The following CCDC186 variants were observed in gnomAD, a reference collection of about 807,000 sequenced individuals.
The protein encoded by CCDC186 is coiled-coil domain-containing protein 186.
A neutral mutation model predicts 113.7 loss-of-function variants in CCDC186; 49 were observed. The observed-to-expected ratio is 0.43, with a 90% CI of 0.34 to 0.55. The LOEUF (loss-of-function observed/expected upper bound fraction) is 0.55. CCDC186 is among the 20% of genes least tolerant of loss of function. The probability of loss-of-function intolerance (pLI) is 0.02; values close to 1 mark genes in which losing one functional copy is unlikely to be tolerated. For missense variants in CCDC186, 890 were observed against 1,011.1 expected, an observed-to-expected ratio of 0.88 and a Z score of 1.62; for synonymous variants, 355 against 345.8, an observed-to-expected ratio of 1.03 and a Z score of -0.30.
At position 114,131,922 on chromosome 10, in the gene CCDC186, T is replaced by G. The variant is rs1266596664; in HGVS notation, c.1911+7A>C. 7 of 1,595,010 alleles carry G rather than the reference T, an allele frequency of 4.4e-6. No individual in the cohort carries two copies. Among genetic ancestry groups the G allele is most frequent in the Non-Finnish European group, 6.0e-6 (7 of 1,169,694 alleles). ...TTGTTTTAAAAAAAATGTAAATTTA[T>G]ACTTACCAAATTAATATTTGTCTGT... On this transcript the variant is annotated splice_region_variant and intron_variant, in intron 11 of 15. Transcript: ENST00000369287.
intron 3 of CCDC186, among the ~76,000 whole-genome samples, chr10:114,154,636 G>A (rs193051663): frequency 3.0e-4 from 45 of 152,168 alleles, no homozygotes; most frequent in Admixed American, 8.5e-4. Context: ...AACAATTAAA[G>A]AAGAATACCA....
At chr10:114,152,519 T>C (rs748417449) in intron 3 of CCDC186, among the ~76,000 whole-genome samples, 5 of 152,004 alleles carry the variant, frequency 3.3e-5, no homozygotes, top group Non-Finnish European at 7.4e-5. Context: ...GAAAATATCA[T>C]GAAAGAAATT....
In CCDC186 at chr10:114,122,482, T is replaced by C. The variant is rs1226125200; in HGVS notation, c.*2661A>G. 1 of 152,090 alleles carries C rather than the reference T, an allele frequency of 6.6e-6. No homozygotes were observed. Among genetic ancestry groups the C allele is most frequent in the African/African-American group, 2.4e-5 (1 of 41,422 alleles). The allele number at this position is 152,090 out of a possible 1,614,324, so 9.4% of individuals were successfully genotyped here. A position where few individuals can be genotyped will look rare whatever the true frequency, so the allele number is the denominator to read the frequency against. On this transcript the variant is annotated 3_prime_UTR_variant, in exon 16 of 16. Transcript: ENST00000369287. Reference sequence around the variant, plus strand: ...TAAAACCTATTGAAGTGTATACATATACATACACAGAAAAAATCACTTCCA... The same window carrying C: ...TAAAACCTATTGAAGTGTATACATACACATACACAGAAAAAATCACTTCCA...
chr10:114,134,530 G>A (rs2031194069), intron 10 of CCDC186, among the ~76,000 whole-genome samples: 1 of 152,148 alleles, frequency 6.6e-6, no homozygotes, highest in African/African-American at 2.4e-5. Flanking sequence ...GGTTTTATAA[G>A]GAGCCAAGGA....
At chr10:114,168,404 T>C (rs2032395293) in intron 1 of CCDC186, 1 of 152,216 alleles carries the variant, frequency 6.6e-6, no homozygotes, top group African/African-American at 2.4e-5. Context: ...CTGGTTCCAT[T>C]TCCTGTTTTT....
intron 4 of CCDC186, among the ~76,000 whole-genome samples, chr10:114,148,670 C>T (rs1307834079): frequency 6.6e-6 from 1 of 152,150 alleles, no homozygotes; most frequent in Non-Finnish European, 1.5e-5. Flanking sequence ...GCTAAAAGAT[C>T]TAAGACAAAG....
At chr10:114,151,491 C>T (rs138579951) in intron 3 of CCDC186, among the ~76,000 whole-genome samples, 2 of 152,136 alleles carry the variant, frequency 1.3e-5, no homozygotes, top group Non-Finnish European at 2.9e-5. Flanking sequence ...TTATCTGTGG[C>T]TTCACTTTCT....
intron 14 of CCDC186, 136 bp downstream of exon 14, chr10:114,127,324 TA>T: frequency 1.3e-6 from 1 of 791,130 alleles, no homozygotes. Flanking sequence ...TAGGTGACCA[TA>T]AAAGACTGGG....
chr10:114,150,980 C>A lies in CCDC186; in HGVS notation c.888+112G>T, dbSNP rs918689568. On this transcript the variant is annotated intron_variant, in intron 4 of 15. Coordinates refer to ENST00000369287, the MANE Select transcript of CCDC186 (RefSeq NM_018017.4). ...GGCTTACTTTTATATAAAAGAATCA[C>A]CTAGTATTAATACAATAGTGAGGTC... 3 of 1,237,944 alleles carry A rather than the reference C, an allele frequency of 2.4e-6. No individual in the cohort carries two copies. In the African/African-American group the frequency reaches 4.7e-5, roughly 19 times the overall value. The allele number at this position is 1,237,944 out of a possible 1,614,324, so 76.7% of individuals were successfully genotyped here.
At chr10:114,138,865 G>C (rs2031367460) in intron 6 of CCDC186, among the ~76,000 whole-genome samples, 1 of 152,062 alleles carries the variant, frequency 6.6e-6, no homozygotes, top group Non-Finnish European at 1.5e-5. Flanking sequence ...TAAGCAAACT[G>C]ATCCATGGTT....
In CCDC186 at chr10:114,121,301, A is replaced by G. The variant is rs2030715318; in HGVS notation, c.*3842T>C. 5 of 152,336 alleles carry G rather than the reference A, an allele frequency of 3.3e-5. No individual in the cohort carries two copies. The South Asian group carries it at 1.0e-3, about 32-fold the overall frequency. 9.4% of individuals were successfully genotyped at this position (152,336 alleles called of 1,614,324 possible). On this transcript the variant is annotated 3_prime_UTR_variant, in exon 16 of 16. Transcript: ENST00000369287. ...AAAAGGTTATTGAAAAATAGGCTAC[A>G]TAAAGCATAAATGACAACATGATTT...
At chr10:114,142,922 A>C (rs1216936861) in intron 6 of CCDC186, among the ~76,000 whole-genome samples, 1 of 152,212 alleles carries the variant, frequency 6.6e-6, no homozygotes, top group Non-Finnish European at 1.5e-5. Flanking sequence ...ACTCCTTCCA[A>C]CATCCAATAG....
At position 114,127,498 on chromosome 10, in the gene CCDC186, T is replaced by A; in HGVS notation, c.2356A>T (p.Ile786Phe). Reference protein sequence around the residue: ...NEKIEFMEDHIKQLVEEIRKK... With the variant: ...NEKIEFMEDHFKQLVEEIRKK... ...CTAATTTCTTCCACCAGTTGTTTGA[T>A]GTGGTCCTCCATAAATTCTATCTTT... Residue 786 changes from isoleucine (I) to phenylalanine (F), a missense_variant, in exon 14 of 16, where the codon ATC becomes TTC. By Grantham distance (21) the Ile-to-Phe change is conservative (BLOSUM62 0). Coordinates refer to ENST00000369287, the MANE Select transcript of CCDC186 (RefSeq NM_018017.4). 6.2e-7 allele frequency: 1 copy of A among 1,614,092 alleles called. No homozygotes were observed. Among genetic ancestry groups the A allele is most frequent in the Non-Finnish European group, 8.5e-7 (1 of 1,179,996 alleles).
intron 6 of CCDC186, among the ~76,000 whole-genome samples, chr10:114,140,425 C>T (rs1305588866): frequency 2.0e-5 from 3 of 152,142 alleles, no homozygotes; most frequent in Non-Finnish European, 4.4e-5. Flanking sequence ...CATTTATTGA[C>T]ATAGGAAAGC....
In CCDC186 at chr10:114,162,721, C is replaced by T; in HGVS notation, c.548G>A (p.Gly183Glu). The change falls in exon 2 of 16, where the codon GGA becomes GAA. Residue 183 changes from glycine to glutamate, a missense_variant. Physicochemically the swap from Gly to Glu is moderately conservative, Grantham distance 98. Transcript: ENST00000369287. ...TEFAEHRVPN[G>E]MNKGEHALVL... The stretch of plus-strand genomic sequence containing the variant: ...TAATGCATGTTCTCCCTTATTCATT[C>T]CATTTGGTACTCGATGTTCTGCAAA... 1 of 1,613,744 alleles carries T rather than the reference C, an allele frequency of 6.2e-7. No homozygotes were observed. The highest frequency in any genetic ancestry group is 8.5e-7 in the Non-Finnish European group (1 of 1,179,864).
At chr10:114,150,503 T>C (rs182705471) in intron 4 of CCDC186, among the ~76,000 whole-genome samples, 14 of 152,100 alleles carry the variant, frequency 9.2e-5, no homozygotes, top group Middle Eastern at 6.8e-3. Flanking sequence ...ATAATCAAAA[T>C]ACCAATAATT....
At chr10:114,138,166 G>C (rs968747555) in intron 6 of CCDC186, among the ~76,000 whole-genome samples, 9 of 146,164 alleles carry the variant, frequency 6.2e-5, no homozygotes, top group African/African-American at 2.2e-4. Context: ...TTTGAACCCA[G>C]GAGGCAGCAG....
chr10:114,125,760 T>C, intron 15 of CCDC186, 126 bp downstream of exon 15: 1 of 703,144 alleles, frequency 1.4e-6, no homozygotes, highest in Non-Finnish European at 2.3e-6. Context: ...TCACGAAACT[T>C]CATCTTTGGG....
chr10:114,167,651 A>G (rs1328378133), intron 1 of CCDC186, among the ~76,000 whole-genome samples: 1 of 152,052 alleles, frequency 6.6e-6, no homozygotes, highest in East Asian at 1.9e-4. Flanking sequence ...ACAAGACATT[A>G]GTTGGCAAGA....
Sources: allele counts gnomAD v4.1 joint callset (sites outside exome capture counted in the v4.1 genomes callset), GRCh38; gene constraint gnomAD v4.1.1; transcripts MANE v1.5; gene names NCBI Gene and HGNC (gene_info 2026-07-23, HGNC 2026-07-21).